MSRB3: variants seen among roughly 807,000 people sequenced by gnomAD.
MSRB3 encodes the protein methionine-R-sulfoxide reductase B3.
MSRB3 carries 13 observed loss-of-function variants against 21.0 expected under a neutral mutation model. The ratio of observed to expected loss-of-function variants is 0.62; its 90% CI spans 0.40 to 0.98. The LOEUF is 0.98. Among genes scored for constraint, MSRB3 ranks in the 50% least tolerant of loss-of-function variants. MSRB3 has a pLI of 0.00. For missense variants in MSRB3, 199 were observed against 230.3 expected, an observed-to-expected ratio of 0.86 and a Z score of 0.88; for synonymous variants, 87 against 88.6, an observed-to-expected ratio of 0.98 and a Z score of 0.10.
intron 5 of MSRB3, among the ~76,000 whole-genome samples, chr12:65,445,319 A>C (rs141001939): frequency 2.0e-5 from 3 of 151,418 alleles, no homozygotes; most frequent in Admixed American, 6.6e-5. Flanking sequence ...CTTATCCCGA[A>C]TCCCTCCAGT....
At chr12:65,446,569 G>T (rs1041076808) in intron 5 of MSRB3, among the ~76,000 whole-genome samples, 2 of 152,102 alleles carry the variant, frequency 1.3e-5, no homozygotes, top group Non-Finnish European at 2.9e-5. Context: ...GATAAACTGA[G>T]CATACATGTT....
intron 1 of MSRB3, among the ~76,000 whole-genome samples, chr12:65,298,242 G>T (rs916693491): frequency 1.5e-4 from 23 of 152,152 alleles, no homozygotes; most frequent in African/African-American, 4.8e-4. Flanking sequence ...GAGCTCAAGC[G>T]ATCCTCCTGC....
chr12:65,355,221 C>G (rs967758493), intron 4 of MSRB3, among the ~76,000 whole-genome samples: 1 of 151,586 alleles, frequency 6.6e-6, no homozygotes, highest in Non-Finnish European at 1.5e-5. Flanking sequence ...TTCAGTATTC[C>G]GTTTTTTGGA....
chr12:65,455,481 T>C (rs1201840634), intron 6 of MSRB3, among the ~76,000 whole-genome samples: 3 of 152,188 alleles, frequency 2.0e-5, no homozygotes, highest in Admixed American at 1.3e-4. Context: ...AAAGCTCCTC[T>C]GGTTAGTGCT....
chr12:65,288,902 T>G (rs1281936611), intron 1 of MSRB3, among the ~76,000 whole-genome samples: 1 of 152,196 alleles, frequency 6.6e-6, no homozygotes. Flanking sequence ...TAAAATTCAC[T>G]TATAAGATTT....
chr12:65,310,929 A>G (rs1026757101), intron 2 of MSRB3, among the ~76,000 whole-genome samples: 3 of 152,224 alleles, frequency 2.0e-5, no homozygotes, highest in Non-Finnish European at 4.4e-5. Context: ...AGAATTAAAT[A>G]GATTGGGATG....
intron 5 of MSRB3, among the ~76,000 whole-genome samples, chr12:65,390,487 C>T (rs776678387): frequency 1.3e-5 from 2 of 152,090 alleles, no homozygotes; most frequent in Non-Finnish European, 2.9e-5. Context: ...ATTGCATCAA[C>T]TATAAGAATA....
chr12:65,427,490 G>A (rs1316053602), intron 5 of MSRB3, among the ~76,000 whole-genome samples: 2 of 152,170 alleles, frequency 1.3e-5, no homozygotes, highest in African/African-American at 4.8e-5. Context: ...CTTTCACTGA[G>A]GAAGTTGTGG....
intron 1 of MSRB3, among the ~76,000 whole-genome samples, chr12:65,289,087 T>C (rs995277371): frequency 2.0e-5 from 3 of 152,256 alleles, no homozygotes; most frequent in Non-Finnish European, 4.4e-5. Context: ...AGTCCTATAT[T>C]TTGTGATTAT....
chr12:65,386,386 G>A (rs1276080454), intron 5 of MSRB3, among the ~76,000 whole-genome samples: 2 of 151,778 alleles, frequency 1.3e-5, no homozygotes, highest in Non-Finnish European at 3.0e-5. Context: ...ACATGATTCT[G>A]GGATCTTTAT....
intron 4 of MSRB3, among the ~76,000 whole-genome samples, chr12:65,368,481 C>A (rs1878137323): frequency 6.6e-6 from 1 of 152,162 alleles, no homozygotes; most frequent in South Asian, 2.1e-4. Flanking sequence ...GAATTTACAA[C>A]CAGTATTAAC....
At chr12:65,280,729 G>C (rs57749933) in intron 1 of MSRB3, among the ~76,000 whole-genome samples, 1 of 152,052 alleles carries the variant, frequency 6.6e-6, no homozygotes, top group Admixed American at 6.5e-5. Context: ...GTATGGCAAG[G>C]TTGCAGCATA....
intron 5 of MSRB3, among the ~76,000 whole-genome samples, chr12:65,417,682 T>C (rs1409155860): frequency 6.6e-6 from 1 of 152,158 alleles, no homozygotes; most frequent in Non-Finnish European, 1.5e-5. Context: ...TTCTACTCTG[T>C]TTTTGTGAGT....
rs572492713 is a variant in MSRB3 at position 65,306,800 on chromosome 12, C to T, written c.-51-1729C>T. On this transcript the variant is annotated intron_variant, in intron 1 of 6. Coordinates refer to ENST00000308259, the MANE Select transcript of MSRB3 (RefSeq NM_001031679.3). ...CAGTCATATCATGCTGGAGGGCTCC[C>T]GGTATTTGTGGCCCTCAGGTTTTAA... 14 of 950,248 alleles carry T rather than the reference C, an allele frequency of 1.5e-5. No homozygotes were observed. The South Asian group carries it at 2.9e-4, about 20-fold the overall frequency. The allele number at this position is 950,248 out of a possible 1,614,324, so 58.9% of individuals were successfully genotyped here. A position where few individuals can be genotyped will look rare whatever the true frequency, so the allele number is the denominator to read the frequency against.
At chr12:65,319,238 T>C (rs550942342) in intron 2 of MSRB3, among the ~76,000 whole-genome samples, 5 of 152,274 alleles carry the variant, frequency 3.3e-5, no homozygotes, top group South Asian at 4.1e-4. Context: ...CATTTTATCC[T>C]GGTTTCTTTT....
Position 65,308,623 on chromosome 12 carries a change from C to A in MSRB3, c.44C>A (p.Pro15Gln). 6.2e-7 allele frequency: 1 copy of A among 1,613,946 alleles called. No individual in the cohort carries two copies. Among genetic ancestry groups the A allele is most frequent in the Admixed American group, 1.7e-5 (1 of 59,998 alleles). ...NLLHLVTKSQPVALRACGLPS... is the reference protein window; with the variant it reads ...NLLHLVTKSQQVALRACGLPS... Reference sequence around the variant, plus strand: ...CTGCATTTGGTGACAAAGAGCCAGCCAGTAGCCCTTCGAGCCTGTGGGCTT... The same window carrying A: ...CTGCATTTGGTGACAAAGAGCCAGCAAGTAGCCCTTCGAGCCTGTGGGCTT... Residue 15 changes from proline (P) to glutamine (Q), a missense_variant, in exon 2 of 7, where the codon CCA (proline) becomes CAA (glutamine). Transcript: ENST00000308259.
In MSRB3 at chr12:65,418,079, A is replaced by G. The variant is rs576804098; in HGVS notation, c.293-35649A>G. On this transcript the variant is annotated intron_variant, in intron 5 of 6. Transcript: ENST00000308259. ...TGTGCTAATTTACATTCTCCCCAAC[A>G]GTGTACAAAGGTTCCCTTTTCTCCA... Among the ~76,000 whole-genome samples the G allele has an allele frequency of 3.9e-5, 6 of 152,318 alleles. No individual in the cohort carries two copies. The East Asian group carries it at 1.2e-3, about 29-fold the overall frequency.
intron 3 of MSRB3, 31 bp downstream of exon 3, chr12:65,326,965 G>C: frequency 6.5e-7 from 1 of 1,541,016 alleles, no homozygotes; most frequent in African/African-American, 1.4e-5. Flanking sequence ...AAGTCATTAA[G>C]AGCTAGATTT....
intron 5 of MSRB3, among the ~76,000 whole-genome samples, chr12:65,436,487 A>G (rs908569030): frequency 6.6e-6 from 1 of 151,836 alleles, no homozygotes; most frequent in Non-Finnish European, 1.5e-5. Context: ...GTTCTCATGC[A>G]TTTAGAAACA....
Sources: allele counts gnomAD v4.1 joint callset (sites outside exome capture counted in the v4.1 genomes callset), GRCh38; gene constraint gnomAD v4.1.1; transcripts MANE v1.5; gene names NCBI Gene and HGNC (gene_info 2026-07-23, HGNC 2026-07-21).